The following DNM3 variants were observed in gnomAD, a reference collection of about 807,000 sequenced individuals.
DNM3 encodes the protein dynamin 3.
In DNM3, 47 loss-of-function variants were observed where a neutral mutation model predicts 101.6. That is an observed-to-expected ratio of 0.46 (90% CI 0.37 to 0.59). DNM3 has a LOEUF of 0.59. Among genes scored for constraint, DNM3 ranks in the 20% least tolerant of loss-of-function variants. The pLI is 0.00. For synonymous variants in DNM3, 385 were observed against 387.9 expected, an observed-to-expected ratio of 0.99 and a Z score of 0.09; for missense variants, 849 against 1,085.7, an observed-to-expected ratio of 0.78 and a Z score of 3.06.
At chr1:172,067,790 A>G (rs2051808053) in intron 10 of DNM3, among the ~76,000 whole-genome samples, 1 of 152,202 alleles carries the variant, frequency 6.6e-6, no homozygotes, top group African/African-American at 2.4e-5. Flanking sequence ...ATTGACATAC[A>G]CAATTTCCAT....
intron 1 of DNM3, among the ~76,000 whole-genome samples, chr1:171,867,829 C>A (rs1294330671): frequency 6.6e-6 from 1 of 152,020 alleles, no homozygotes; most frequent in Non-Finnish European, 1.5e-5. Context: ...TTACCATAAC[C>A]CACCATATTT....
intron 20 of DNM3, among the ~76,000 whole-genome samples, chr1:172,406,891 C>A (rs377336276): frequency 6.6e-6 from 1 of 151,666 alleles, no homozygotes; most frequent in South Asian, 2.1e-4. Context: ...AATTTGTAGA[C>A]TTTGTCAAAT....
chr1:171,999,392 G>T (rs997211512), intron 4 of DNM3, among the ~76,000 whole-genome samples: 11 of 152,110 alleles, frequency 7.2e-5, no homozygotes, highest in Non-Finnish European at 1.0e-4. Flanking sequence ...CTGAGATTAG[G>T]AATATTCAGA....
intron 2 of DNM3, among the ~76,000 whole-genome samples, chr1:171,979,357 G>A (rs1301597518): frequency 6.6e-6 from 1 of 152,144 alleles, no homozygotes; most frequent in African/African-American, 2.4e-5. Context: ...CTAAAGAAAG[G>A]AAATGAGTAT....
At chr1:172,400,347 A>AT (rs1349799852) in intron 20 of DNM3, among the ~76,000 whole-genome samples, 1 of 152,102 alleles carries the variant, frequency 6.6e-6, no homozygotes, top group Non-Finnish European at 1.5e-5. Flanking sequence ...TCTACAGCAC[A>AT]TAAGTTTCTG....
intron 4 of DNM3, among the ~76,000 whole-genome samples, chr1:172,006,454 C>T (rs1252252691): frequency 1.3e-5 from 2 of 152,016 alleles, no homozygotes; most frequent in Admixed American, 6.6e-5. Flanking sequence ...CTTTTTCAGG[C>T]CAGGCCTTTT....
chr1:172,200,830 T>A (rs2060126748), intron 14 of DNM3, among the ~76,000 whole-genome samples: 1 of 152,116 alleles, frequency 6.6e-6, no homozygotes, highest in African/African-American at 2.4e-5. Context: ...TTGGATCGGG[T>A]TTTGTCATTC....
At chr1:172,042,204 C>G in intron 8 of DNM3, 60 bp downstream of exon 8, 2 of 1,464,812 alleles carry the variant, frequency 1.4e-6, no homozygotes, top group African/African-American at 2.8e-5. Flanking sequence ...CTGTTTTATA[C>G]AACTTAATAC....
At chr1:171,910,392 A>G (rs2039197796) in intron 1 of DNM3, among the ~76,000 whole-genome samples, 1 of 152,214 alleles carries the variant, frequency 6.6e-6, no homozygotes, top group African/African-American at 2.4e-5. Flanking sequence ...TGGAATGTAA[A>G]TTATCTCTTT....
Position 172,412,070 on chromosome 1 carries a change from T to C in DNM3, c.*4229T>C. On this transcript the variant is annotated 3_prime_UTR_variant, in exon 21 of 21. Transcript: ENST00000627582. The stretch of plus-strand genomic sequence containing the variant: ...GTGTGTGTGTGTGTCTTTGTATATA[T>C]GTAAGAATGTGTGTATGTGTGAGAG... 1 of 985,686 alleles carries C rather than the reference T, an allele frequency of 1.0e-6. No individual in the cohort carries two copies. The highest frequency in any genetic ancestry group is 1.2e-6 in the Non-Finnish European group (1 of 829,820). The allele number at this position is 985,686 out of a possible 1,614,324, so 61.1% of individuals were successfully genotyped here.
At chr1:172,084,320 A>C (rs2053376578) in intron 12 of DNM3, among the ~76,000 whole-genome samples, 1 of 152,144 alleles carries the variant, frequency 6.6e-6, no homozygotes, top group Non-Finnish European at 1.5e-5. Flanking sequence ...ACATACATGC[A>C]CGTGTGCACA....
chr1:171,961,784 T>G (rs578228188), intron 2 of DNM3, among the ~76,000 whole-genome samples: 109 of 152,300 alleles, frequency 7.2e-4, no homozygotes, highest in Non-Finnish European at 1.2e-3. Context: ...AGGAATGGAA[T>G]TCTGACATTT....
At chr1:172,081,294 G>C (rs535391402) in intron 11 of DNM3, among the ~76,000 whole-genome samples, 2 of 152,192 alleles carry the variant, frequency 1.3e-5, no homozygotes, top group East Asian at 3.9e-4. Flanking sequence ...TGATTTATTT[G>C]TATATTGACT....
intron 13 of DNM3, among the ~76,000 whole-genome samples, chr1:172,105,358 TTAAA>T (rs1370892928): frequency 6.6e-6 from 1 of 152,190 alleles, no homozygotes; most frequent in Non-Finnish European, 1.5e-5. Flanking sequence ...CTTAGAAAAG[TTAAA>T]TAGTTTACCC....
At chr1:172,214,605 A>C (rs1204049115) in intron 14 of DNM3, among the ~76,000 whole-genome samples, 1 of 152,160 alleles carries the variant, frequency 6.6e-6, no homozygotes, top group Non-Finnish European at 1.5e-5. Flanking sequence ...GGGATAAGTC[A>C]GAAGTATTTT....
intron 2 of DNM3, among the ~76,000 whole-genome samples, chr1:171,934,256 T>A (rs1220926754): frequency 6.6e-6 from 1 of 152,268 alleles, no homozygotes; most frequent in Non-Finnish European, 1.5e-5. Context: ...ATTGAGATGA[T>A]CACTTAAAAA....
chr1:171,977,192 G>T (rs1203946934), intron 2 of DNM3, among the ~76,000 whole-genome samples: 1 of 152,050 alleles, frequency 6.6e-6, no homozygotes, highest in East Asian at 1.9e-4. Context: ...TTATCAAGAG[G>T]AAGCAAAAAA....
intron 9 of DNM3, among the ~76,000 whole-genome samples, chr1:172,045,176 G>C (rs1364623308): frequency 1.3e-5 from 2 of 152,100 alleles, no homozygotes. Flanking sequence ...TGGGGTTGGG[G>C]GTGGGGTAGA....
chr1:172,034,697 G>A (rs559953532), intron 6 of DNM3, among the ~76,000 whole-genome samples: 1 of 151,974 alleles, frequency 6.6e-6, no homozygotes, highest in Admixed American at 6.6e-5. Flanking sequence ...TAATTCTATG[G>A]CTATGTATGT....
Sources: allele counts gnomAD v4.1 joint callset (sites outside exome capture counted in the v4.1 genomes callset), GRCh38; gene constraint gnomAD v4.1.1; transcripts MANE v1.5; gene names NCBI Gene and HGNC (gene_info 2026-07-23, HGNC 2026-07-21).